Variants in TMEM132E observed in about 807,000 individuals in gnomAD.
The protein encoded by TMEM132E is transmembrane protein 132E.
In TMEM132E, 49 loss-of-function variants were observed where a neutral mutation model predicts 78.5. That is an observed-to-expected ratio of 0.62 (90% CI 0.50 to 0.79). TMEM132E has a LOEUF of 0.79. TMEM132E is among the 30% of genes least tolerant of loss of function. TMEM132E has a pLI of 0.00. For synonymous variants in TMEM132E, 715 were observed against 670.6 expected (o/e 1.07, Z -1.02); for missense variants, 1,403 against 1,470.9 (o/e 0.95, Z 0.75).
rs771832453 is a variant in TMEM132E, at chr17:34,629,125, C to T, written c.1259C>T (p.Ala420Val). Residue 420 changes from alanine (A) to valine (V), a missense_variant, in exon 4 of 9, where the codon GCC (alanine) becomes GTC (valine). Coordinates refer to ENST00000631683, the MANE Select transcript of TMEM132E (RefSeq NM_001304438.2). ...MWHIDYRGHG[A>V]LPDLERAVTE... ...CACATTGACTACCGTGGCCACGGCGCCCTGCCTGACCTGGAGCGGGCAGTC... is the reference window on the plus strand; with the variant it reads ...CACATTGACTACCGTGGCCACGGCGTCCTGCCTGACCTGGAGCGGGCAGTC... 8.1e-6 allele frequency: 13 copies of T among 1,613,676 alleles called. No homozygotes were observed. The African/African-American group carries it at 1.6e-4, about 20-fold the overall frequency.
chr17:34,621,469 G>A (rs1268043015), intron 1 of TMEM132E, among the ~76,000 whole-genome samples: 3 of 152,156 alleles, frequency 2.0e-5, no homozygotes, highest in African/African-American at 7.2e-5. Context: ...TAAGGATCCT[G>A]TCTTCAAATA....
Position 34,611,530 on chromosome 17 carries a change from A to C in TMEM132E, c.68-14597A>C, listed in dbSNP as rs1906593953. The stretch of plus-strand genomic sequence containing the variant: ...GCAGCCAGACAACTGTCAATCAATC[A>C]ATATCGTGCCAAGAGAAACCAAGTA... On this transcript the variant is annotated intron_variant, in intron 1 of 8. Transcript: ENST00000631683. 2.6e-5 allele frequency among the ~76,000 whole-genome samples: 4 copies of C among 152,152 alleles called. No individual in the cohort carries two copies. The South Asian group carries it at 6.2e-4, about 24-fold the overall frequency.
At chr17:34,587,888 A>G (rs936463919) in intron 1 of TMEM132E, among the ~76,000 whole-genome samples, 1 of 152,222 alleles carries the variant, frequency 6.6e-6, no homozygotes, top group African/African-American at 2.4e-5. Context: ...CTGAGGCTCA[A>G]CAGAGTCCTG....
intron 1 of TMEM132E, among the ~76,000 whole-genome samples, chr17:34,621,859 G>A (rs542748071): frequency 2.6e-5 from 4 of 152,210 alleles, no homozygotes; most frequent in South Asian, 2.1e-4. Flanking sequence ...TCAGTCTGGA[G>A]GGCATAGGCA....
intron 1 of TMEM132E, among the ~76,000 whole-genome samples, chr17:34,586,441 G>A (rs1454025687): frequency 1.3e-5 from 2 of 152,092 alleles, no homozygotes; most frequent in East Asian, 3.9e-4. Context: ...GTATCACAGA[G>A]CACCAACACT....
Position 34,626,479 on chromosome 17 carries a change from C to T in TMEM132E, c.420C>T (p.Pro140=), listed in dbSNP as rs757706114. ...IVRSHVPASQ[P]VVQVLFYVAG... ...GCTCGCACGTGCCCGCCTCGCAGCC[C>T]GTGGTCCAGGTGCTGTTCTACGTAG... is the stretch of plus-strand genomic sequence containing the variant. Residue 140 remains proline, a synonymous_variant, in exon 2 of 9, where the codon CCC becomes CCT. Coordinates refer to ENST00000631683, the MANE Select transcript of TMEM132E (RefSeq NM_001304438.2). 9.9e-6 allele frequency: 16 copies of T among 1,612,494 alleles called. No homozygotes were observed. The Admixed American group carries it at 1.8e-4, about 18-fold the overall frequency.
chr17:34,620,469 G>A lies in TMEM132E; in HGVS notation c.68-5658G>A, dbSNP rs76242438. On this transcript the variant is annotated intron_variant, in intron 1 of 8. Coordinates refer to ENST00000631683, the MANE Select transcript of TMEM132E (RefSeq NM_001304438.2). ...AGCTGACCTTGTACTACGCAAAGCT[G>A]GTCCAGCCCCAGTGTACACCAATAT... Among the ~76,000 whole-genome samples, 876 of 152,354 alleles carry A rather than the reference G, an allele frequency of 5.7e-3. 8 individuals carry two copies. The highest frequency in any genetic ancestry group is 0.02 in the African/African-American group (843 of 41,584).
chr17:34,608,942 C>G (rs1378716017), intron 1 of TMEM132E, among the ~76,000 whole-genome samples: 1 of 152,164 alleles, frequency 6.6e-6, no homozygotes, highest in African/African-American at 2.4e-5. Context: ...CAGCAGACAG[C>G]CTTAATCAGT....
chr17:34,590,988 A>C (rs1306415353), intron 1 of TMEM132E, among the ~76,000 whole-genome samples: 1 of 152,108 alleles, frequency 6.6e-6, no homozygotes, highest in Non-Finnish European at 1.5e-5. Flanking sequence ...CACCGTTAGA[A>C]CCAGAGGGAT....
intron 1 of TMEM132E, among the ~76,000 whole-genome samples, chr17:34,601,452 C>T (rs1213692899): frequency 1.3e-5 from 2 of 152,194 alleles, no homozygotes; most frequent in Admixed American, 6.5e-5. Context: ...CAGGGAACTC[C>T]GGCCTCTGGC....
At chr17:34,634,008 T>C (rs1275916671) in intron 6 of TMEM132E, among the ~76,000 whole-genome samples, 1 of 152,220 alleles carries the variant, frequency 6.6e-6, no homozygotes, top group Non-Finnish European at 1.5e-5. Flanking sequence ...CAATAACACC[T>C]GCCTCATAGG....
chr17:34,598,351 G>T (rs1240177056), intron 1 of TMEM132E, among the ~76,000 whole-genome samples: 2 of 152,152 alleles, frequency 1.3e-5, no homozygotes, highest in Admixed American at 6.5e-5. Flanking sequence ...CACAGTGGGG[G>T]AGACAGTCCC....
chr17:34,628,444 G>T, intron 2 of TMEM132E, 119 bp from the exon 3 acceptor site: 5 of 1,188,146 alleles, frequency 4.2e-6, no homozygotes. Flanking sequence ...TCCAGGACTC[G>T]GGGTAACTTA....
intron 1 of TMEM132E, 80 bp downstream of exon 1, chr17:34,581,223 G>A: frequency 2.3e-6 from 3 of 1,281,318 alleles, no homozygotes; most frequent in Non-Finnish European, 3.1e-6. Context: ...GGGGAGAGGA[G>A]CACCCACACC....
chr17:34,581,035 C>G lies in TMEM132E; in HGVS notation c.-42C>G. 6.6e-7 allele frequency: 1 copy of G among 1,508,600 alleles called. No homozygotes were observed. The highest frequency in any genetic ancestry group is 1.3e-5 in the South Asian group (1 of 79,380). 93.5% of individuals were successfully genotyped at this position (1,508,600 alleles called of 1,614,324 possible). A position where few individuals can be genotyped will look rare whatever the true frequency, so the allele number is the denominator to read the frequency against. On this transcript the variant is annotated 5_prime_UTR_variant, in exon 1 of 9. Transcript: ENST00000631683. ...GCCCAGCCTGGGGCCAAGTCGTCGT[C>G]GACTGTTGCTCTCTCGGACCCCTCC...
At chr17:34,626,011 A>G (rs1159825161) in intron 1 of TMEM132E, 116 bp from the exon 2 acceptor site, 6 of 979,190 alleles carry the variant, frequency 6.1e-6, no homozygotes, top group African/African-American at 3.4e-5. Flanking sequence ...GAACCTGCCC[A>G]GCTAGAGGAG....
Position 34,638,265 on chromosome 17 carries a change from C to CCCA in TMEM132E, c.*34_*36dup, listed in dbSNP as rs1555565382. ...AGCCGGAGTAGCAGGGACCCCCCCC[C>CCCA]CCAACGGGGTCAGCTCGGGGTAGGA... On this transcript the variant is annotated 3_prime_UTR_variant, in exon 9 of 9. Transcript: ENST00000631683. 1.6e-4 allele frequency: 230 copies of CCCA among 1,470,660 alleles called. 1 individual carries two copies. In the African/African-American group the frequency reaches 3.1e-3, roughly 20 times the overall value. 91.1% of individuals were successfully genotyped at this position (1,470,660 alleles called of 1,614,324 possible).
At chr17:34,582,507 T>C (rs1597672842) in intron 1 of TMEM132E, among the ~76,000 whole-genome samples, 1 of 62,336 alleles carries the variant, frequency 1.6e-5, no homozygotes, top group African/African-American at 6.0e-5. Context: ...CCGGCTGAGG[T>C]AACACCAGGG....
intron 2 of TMEM132E, among the ~76,000 whole-genome samples, chr17:34,628,043 G>C (rs1221339916): frequency 6.6e-6 from 1 of 152,196 alleles, no homozygotes; most frequent in Admixed American, 6.5e-5. Context: ...AGTGTGACTG[G>C]CTGTGAGGTG....
Sources: gnomAD v4.1 joint callset for allele counts (sites outside exome capture counted in the v4.1 genomes callset) on GRCh38, gnomAD v4.1.1 for gene constraint, MANE v1.5 for transcripts, NCBI Gene and HGNC (gene_info 2026-07-23, HGNC 2026-07-21) for gene names.